UGT1A5: variants seen among roughly 807,000 people sequenced by gnomAD.
The protein encoded by UGT1A5 is UDP-glucuronosyltransferase 1A5.
A neutral mutation model predicts 40.3 loss-of-function variants in UGT1A5; 29 were observed. The ratio of observed to expected loss-of-function variants is 0.72; its 90% CI spans 0.54 to 0.98. The LOEUF is 0.98. Among genes scored for constraint, UGT1A5 ranks in the 50% least tolerant of loss-of-function variants. The pLI, the probability that UGT1A5 is intolerant of heterozygous loss-of-function variation, is 0.00. For missense variants in UGT1A5, 678 were observed against 677.9 expected, an observed-to-expected ratio of 1.00 and a Z score of 0.00; for synonymous variants, 257 against 262.5, an observed-to-expected ratio of 0.98 and a Z score of 0.20.
At chr2:233,737,978 G>C (rs1166842032) in intron 1 of UGT1A5, among the ~76,000 whole-genome samples, 1 of 152,014 alleles carries the variant, frequency 6.6e-6, no homozygotes, top group East Asian at 1.9e-4. Context: ...ATTTAATATG[G>C]TTTGGCTCTG....
At chr2:233,757,911 T>G (rs1423273798) in intron 1 of UGT1A5, among the ~76,000 whole-genome samples, 6 of 152,118 alleles carry the variant, frequency 3.9e-5, no homozygotes, top group Non-Finnish European at 8.8e-5. Flanking sequence ...GACGTGTCAC[T>G]CTTTAGCAGC....
In UGT1A5 at chr2:233,747,168, G is replaced by C. The variant is rs1693578395; in HGVS notation, c.868-19866G>C. 4 of 1,593,782 alleles carry C rather than the reference G, an allele frequency of 2.5e-6. No homozygotes were observed. The South Asian group carries it at 4.5e-5, about 18-fold the overall frequency. On this transcript the variant is annotated intron_variant, in intron 1 of 4. Coordinates refer to ENST00000373414, the MANE Select transcript of UGT1A5 (RefSeq NM_019078.2). ...TAAGATGAAGAAAACAAATGTAGGA[G>C]GCACAGCGTGGGGTGGACAGTCAGC...
At chr2:233,749,597 A>G (rs1694229445) in intron 1 of UGT1A5, among the ~76,000 whole-genome samples, 1 of 151,834 alleles carries the variant, frequency 6.6e-6, no homozygotes, top group South Asian at 2.1e-4. Flanking sequence ...ACATGAAGTC[A>G]CACTAGATTT....
intron 1 of UGT1A5, among the ~76,000 whole-genome samples, chr2:233,764,664 G>A (rs1266153786): frequency 6.6e-6 from 1 of 152,094 alleles, no homozygotes; most frequent in African/African-American, 2.4e-5. Flanking sequence ...ATTTACCAAC[G>A]CTCAGAAGAA....
At chr2:233,748,671 T>A (rs1418795120) in intron 1 of UGT1A5, among the ~76,000 whole-genome samples, 1 of 151,594 alleles carries the variant, frequency 6.6e-6, no homozygotes, top group Non-Finnish European at 1.5e-5. Flanking sequence ...CAGAGAGGGA[T>A]CTGTGCTGAC....
Position 233,767,108 on chromosome 2 carries a change from A to T in UGT1A5, c.942A>T (p.Glu314Asp). ...TCTCTTTGGGATCAATGGTCTCAGA[A>T]ATTCCAGAGAAGAAAGCTATGGCAA... The part of the protein sequence containing the change: ...VVFSLGSMVS[E>D]IPEKKAMAIA... The change falls in exon 2 of 5, where the codon GAA (glutamate) becomes GAT (aspartate). Residue 314 changes from glutamate (E) to aspartate (D), a missense_variant. Glu to Asp is a conservative substitution (Grantham distance 45). Coordinates refer to ENST00000373414, the MANE Select transcript of UGT1A5 (RefSeq NM_019078.2). 1 of 1,614,166 alleles carries T rather than the reference A, an allele frequency of 6.2e-7. No individual in the cohort carries two copies.
Position 233,759,383 on chromosome 2 carries a change from T to C in UGT1A5, c.868-7651T>C, listed in dbSNP as rs370369012. Among the ~76,000 whole-genome samples, 14 of 152,308 alleles carry C rather than the reference T, an allele frequency of 9.2e-5. No homozygotes were observed. The East Asian group carries it at 2.7e-3, about 29-fold the overall frequency. ...TATAAAAAGGTACAGGTTTTCAGGA[T>C]ACTCAGAGTAACCGTGTGACCTGTA... On this transcript the variant is annotated intron_variant, in intron 1 of 4. Coordinates refer to ENST00000373414, the MANE Select transcript of UGT1A5 (RefSeq NM_019078.2).
intron 1 of UGT1A5, among the ~76,000 whole-genome samples, chr2:233,732,581 G>T (rs2078286817): frequency 6.6e-6 from 1 of 152,170 alleles, no homozygotes; most frequent in African/African-American, 2.4e-5. Flanking sequence ...CCCATTGCTT[G>T]TTTTTGTCAG....
intron 1 of UGT1A5, chr2:233,754,963 A>G: frequency 7.6e-7 from 1 of 1,309,276 alleles, no homozygotes; most frequent in Non-Finnish European, 1.0e-6. Flanking sequence ...CCGCCAAAGA[A>G]CTCCCTGAAG....
In UGT1A5 at chr2:233,769,480, C is replaced by T. The variant is rs1027796566; in HGVS notation, c.1307+1041C>T. 1.4e-5 allele frequency: 23 copies of T among 1,596,558 alleles called. No homozygotes were observed. Among genetic ancestry groups the T allele is most frequent in the African/African-American group, 1.3e-4 (10 of 74,384 alleles). ...ATTCATATGCGTGTGTGTGTGTGTGCGTGTGTTTATGAGAGTGTCCATTGC... is the reference window on the plus strand; with the variant it reads ...ATTCATATGCGTGTGTGTGTGTGTGTGTGTGTTTATGAGAGTGTCCATTGC... On this transcript the variant is annotated intron_variant, in intron 4 of 4. Coordinates refer to ENST00000373414, the MANE Select transcript of UGT1A5 (RefSeq NM_019078.2). The surrounding 1 kb of genome is among the most constrained non-coding windows in gnomAD (Gnocchi z 4.4).
intron 1 of UGT1A5, among the ~76,000 whole-genome samples, chr2:233,717,375 A>C (rs1330079040): frequency 6.6e-6 from 1 of 152,208 alleles, no homozygotes; most frequent in African/African-American, 2.4e-5. Context: ...AAGCCCTTAC[A>C]GACCTGCCCT....
chr2:233,747,156 A>G, intron 1 of UGT1A5: 1 of 1,580,812 alleles, frequency 6.3e-7, no homozygotes, highest in South Asian at 1.1e-5. Flanking sequence ...GATGAAGAAA[A>G]CAAATGTAGG....
chr2:233,717,477 G>A (rs551633792), intron 1 of UGT1A5, among the ~76,000 whole-genome samples: 2 of 152,228 alleles, frequency 1.3e-5, no homozygotes, highest in Non-Finnish European at 2.9e-5. Context: ...TGTGTCCAAA[G>A]GTGGAATCTG....
intron 1 of UGT1A5, chr2:233,741,590 C>T (rs4663964): frequency 0.069 from 10,438 of 151,876 alleles, 561 homozygotes; most frequent in East Asian, 0.2. Flanking sequence ...CACCTCGGAG[C>T]ATGTTGATTT....
chr2:233,770,941 G>T (rs1295256111), intron 4 of UGT1A5: 1 of 152,168 alleles, frequency 6.6e-6, no homozygotes, highest in African/African-American at 2.4e-5. Flanking sequence ...GGCTGCCGGG[G>T]GAACCTCAGG....
chr2:233,740,163 G>T (rs1258097121), intron 1 of UGT1A5, among the ~76,000 whole-genome samples: 1 of 151,848 alleles, frequency 6.6e-6, no homozygotes, highest in Non-Finnish European at 1.5e-5. Flanking sequence ...CCCCAGTCAT[G>T]TGGAACTGTG....
At position 233,767,727 on chromosome 2, in the gene UGT1A5, T is replaced by C. The variant is rs28946890; in HGVS notation, c.1000-122T>C. The C allele has an allele frequency of 9.9e-4, 1,538 of 1,556,204 alleles. 17 individuals are homozygous for C. In the African/African-American group the frequency reaches 0.019, roughly 19 times the overall value. ...CCTCAGAAGCCTTCACAGTTACTGA[T>C]CCTCCCACTCTGTTAAAGACTGTTC... On this transcript the variant is annotated intron_variant, in intron 2 of 4. Coordinates refer to ENST00000373414, the MANE Select transcript of UGT1A5 (RefSeq NM_019078.2).
intron 1 of UGT1A5, chr2:233,740,576 G>A (rs1691425375): frequency 6.6e-6 from 1 of 151,744 alleles, no homozygotes; most frequent in Non-Finnish European, 1.5e-5. Flanking sequence ...TGTTTTTTGG[G>A]ACCCTAATGA....
chr2:233,713,345 CA>C lies in UGT1A5; in HGVS notation c.356del (p.Asn119IlefsTer4). 1 of 1,614,188 alleles carries C rather than the reference CA, an allele frequency of 6.2e-7. No homozygotes were observed. Among genetic ancestry groups the C allele is most frequent in the Admixed American group, 1.7e-5 (1 of 60,018 alleles). On this transcript the variant is annotated frameshift_variant, in exon 1 of 5. Coordinates refer to ENST00000373414, the MANE Select transcript of UGT1A5 (RefSeq NM_019078.2). LOFTEE classifies it high-confidence loss of function. The part of the protein sequence containing the change: ...KFSRRMAIMN[N>X]MSLIIHRSCV... ...TTTCTAGAAGAATGGCAATTATGAACAATATGTCTTTGATCATACATAGGTC... is the reference window on the plus strand; with the variant it reads ...TTTCTAGAAGAATGGCAATTATGAACATATGTCTTTGATCATACATAGGTC...
Sources: gnomAD v4.1 joint callset for allele counts (sites outside exome capture counted in the v4.1 genomes callset) on GRCh38, gnomAD v4.1.1 for gene constraint, Gnocchi (gnomAD v3.1) non-coding constraint, MANE v1.5 for transcripts, NCBI Gene and HGNC (gene_info 2026-07-23, HGNC 2026-07-21) for gene names.